Variants in ABLIM1 observed in about 807,000 individuals in gnomAD.
ABLIM1 encodes actin binding LIM protein 1.
ABLIM1 carries 40 observed loss-of-function variants against 107.0 expected under a neutral mutation model. That is an observed-to-expected ratio of 0.37 (90% CI 0.29 to 0.49). The LOEUF (loss-of-function observed/expected upper bound fraction) is 0.49, where lower values mean the gene tolerates loss of function less well. Ranked by LOEUF, ABLIM1 falls within the 20% of genes least tolerant of loss-of-function variation. The probability of loss-of-function intolerance (pLI) is 0.97; values close to 1 mark genes in which losing one functional copy is unlikely to be tolerated. For synonymous variants in ABLIM1, 357 were observed against 357.3 expected (o/e 1.00, Z 0.01); for missense variants, 857 against 1,008.5 (o/e 0.85, Z 2.04).
rs372391956 is a variant in ABLIM1, at chr10:114,498,723, A to G, written c.895-6845T>C. ...GACATGATTTTAAAACAATTGATCA[A>G]GAACCTTAAAATTCAAAAGACCCAA... On this transcript the variant is annotated intron_variant, in intron 6 of 22. Transcript: ENST00000533213. 6.0e-4 allele frequency among the ~76,000 whole-genome samples: 91 copies of G among 152,348 alleles called. 3 individuals carry two copies. In the South Asian group the frequency reaches 0.019, roughly 32 times the overall value.
chr10:114,477,966 C>T (rs2056741944), intron 8 of ABLIM1, among the ~76,000 whole-genome samples: 1 of 152,166 alleles, frequency 6.6e-6, no homozygotes, highest in Admixed American at 6.5e-5. Flanking sequence ...TCATGATTTG[C>T]CTGCCTCGGC....
chr10:114,667,670 C>T (rs1248565368), intron 1 of ABLIM1, among the ~76,000 whole-genome samples: 1 of 152,214 alleles, frequency 6.6e-6, no homozygotes, highest in African/African-American at 2.4e-5. Flanking sequence ...CTCTGTGCTC[C>T]TTCCCAGTCA....
chr10:114,482,952 G>GA (rs749716380), intron 8 of ABLIM1, among the ~76,000 whole-genome samples: 29 of 151,038 alleles, frequency 1.9e-4, no homozygotes, highest in Non-Finnish European at 3.0e-4. Context: ...GAAAAAATAA[G>GA]AAAAAAAAAC....
chr10:114,489,368 A>C (rs2058628384), intron 7 of ABLIM1, among the ~76,000 whole-genome samples: 1 of 152,222 alleles, frequency 6.6e-6, no homozygotes, highest in Admixed American at 6.5e-5. Flanking sequence ...AAAAGTAACC[A>C]AATTAAAATA....
chr10:114,617,325 G>T (rs983096313), intron 1 of ABLIM1, among the ~76,000 whole-genome samples: 1 of 147,800 alleles, frequency 6.8e-6, no homozygotes. Context: ...GCAATGGCGC[G>T]ATCTTGGCTC....
At chr10:114,521,567 A>G (rs75942763) in intron 6 of ABLIM1, among the ~76,000 whole-genome samples, 4,008 of 152,218 alleles carry the variant, frequency 0.026, 181 homozygotes, top group African/African-American at 0.09. Context: ...CTCCAAGGCT[A>G]CTGTCTTGGG....
intron 4 of ABLIM1, among the ~76,000 whole-genome samples, chr10:114,559,072 C>A (rs1268662055): frequency 3.3e-5 from 5 of 152,072 alleles, no homozygotes; most frequent in Admixed American, 6.5e-5. Flanking sequence ...GGAGGACAGG[C>A]CTGGAGCATC....
At chr10:114,617,077 G>A (rs1591606644) in intron 1 of ABLIM1, among the ~76,000 whole-genome samples, 1 of 152,094 alleles carries the variant, frequency 6.6e-6, no homozygotes, top group Non-Finnish European at 1.5e-5. Context: ...TGAAGCTTTA[G>A]GGAATAATTT....
At chr10:114,760,857 C>T (rs890986403) in intron 1 of ABLIM1, among the ~76,000 whole-genome samples, 2 of 152,112 alleles carry the variant, frequency 1.3e-5, no homozygotes, top group Non-Finnish European at 2.9e-5. Context: ...GAATCAGAAC[C>T]ATTTATTTTA....
At chr10:114,792,802 C>G in the ABLIM1 span, among the ~76,000 whole-genome samples, 2 of 152,216 alleles carry the variant, frequency 1.3e-5, no homozygotes, top group African/African-American at 2.4e-5. Context: ...ATCAATGTCT[C>G]TATGTGGAGA....
At chr10:114,775,031 G>T in the ABLIM1 span, among the ~76,000 whole-genome samples, 1 of 152,108 alleles carries the variant, frequency 6.6e-6, no homozygotes, top group East Asian at 1.9e-4. Flanking sequence ...TCACATTTTG[G>T]ATGACTGGGG....
chr10:114,506,929 G>T (rs142833034), intron 6 of ABLIM1, among the ~76,000 whole-genome samples: 127 of 152,302 alleles, frequency 8.3e-4, no homozygotes, highest in African/African-American at 3.0e-3. Context: ...GTAGGAACCG[G>T]TGCTCTGTGG....
chr10:114,535,714 ATCACAT>A (rs1376244984), intron 6 of ABLIM1, among the ~76,000 whole-genome samples: 1 of 152,214 alleles, frequency 6.6e-6, no homozygotes, highest in Non-Finnish European at 1.5e-5. Flanking sequence ...TGAGAGATAA[ATCACAT>A]ACCATACAAT....
At chr10:114,748,857 G>T (rs912838008) in intron 1 of ABLIM1, among the ~76,000 whole-genome samples, 5 of 151,694 alleles carry the variant, frequency 3.3e-5, no homozygotes, top group Non-Finnish European at 7.4e-5. Flanking sequence ...AGAGACGGGG[G>T]TCTCCCTATG....
At chr10:114,511,548 T>C (rs899867477) in intron 6 of ABLIM1, among the ~76,000 whole-genome samples, 1 of 151,830 alleles carries the variant, frequency 6.6e-6, no homozygotes, top group African/African-American at 2.4e-5. Flanking sequence ...GTATTTTCAG[T>C]AGAGACAGAG....
At chr10:114,474,628 C>T (rs2067246231) in intron 8 of ABLIM1, among the ~76,000 whole-genome samples, 1 of 152,148 alleles carries the variant, frequency 6.6e-6, no homozygotes, top group East Asian at 1.9e-4. Flanking sequence ...GATCTGCCCG[C>T]CTCCACCTCC....
chr10:114,622,522 T>C (rs189080672), intron 1 of ABLIM1, among the ~76,000 whole-genome samples: 3 of 152,310 alleles, frequency 2.0e-5, no homozygotes. Flanking sequence ...GCTGGTATTA[T>C]AGGTATAAGC....
rs58360618 is a variant in ABLIM1, at chr10:114,701,251, C to A, written c.-213+66810G>T. On this transcript the variant is annotated intron_variant, in intron 1 of 15. Transcript: ENST00000651092. ...AAATCACAACAAGATACCACTATGC[C>A]AAATTAAAATACCAAATATTGGTGA... Among the ~76,000 whole-genome samples the A allele has an allele frequency of 6.7e-3, 1,023 of 152,100 alleles. 8 individuals carry two copies. Among genetic ancestry groups the A allele is most frequent in the African/African-American group, 0.023 (965 of 41,506 alleles).
chr10:114,800,309 G>C, the ABLIM1 span, among the ~76,000 whole-genome samples: 1 of 152,268 alleles, frequency 6.6e-6, no homozygotes, highest in East Asian at 1.9e-4. Context: ...ATACAGGAAA[G>C]TCCTATAAAA....
Sources: gnomAD v4.1 joint callset for allele counts (sites outside exome capture counted in the v4.1 genomes callset) on GRCh38, gnomAD v4.1.1 for gene constraint, MANE v1.5 for transcripts, NCBI Gene and HGNC (gene_info 2026-07-23, HGNC 2026-07-21) for gene names.